The following USH2A variants were observed in gnomAD, a reference collection of about 807,000 sequenced individuals.
The protein encoded by USH2A is usherin.
Under a neutral mutation model 538.9 loss-of-function variants are expected in USH2A, and 443 were observed. The ratio of observed to expected loss-of-function variants is 0.82; its 90% CI spans 0.76 to 0.89. The LOEUF is 0.89. USH2A is among the 40% of genes least tolerant of loss of function. The pLI is 0.00. For missense variants in USH2A, 6,633 were observed against 6,324.8 expected (o/e 1.05, Z -1.65); for synonymous variants, 2,413 against 2,273.5 (o/e 1.06, Z -1.75).
At chr1:215,882,889 T>A (rs946347983) in intron 41 of USH2A, among the ~76,000 whole-genome samples, 1 of 152,170 alleles carries the variant, frequency 6.6e-6, no homozygotes, top group Non-Finnish European at 1.5e-5. Context: ...GTATGCAATA[T>A]GTGCTCTTGT....
At chr1:215,962,039 A>G (rs1417307995) in intron 37 of USH2A, among the ~76,000 whole-genome samples, 1 of 151,974 alleles carries the variant, frequency 6.6e-6, no homozygotes, top group Non-Finnish European at 1.5e-5. Context: ...AAAAAGAAAC[A>G]CAGTTTTTAA....
At chr1:215,788,951 A>AAAACAACAC (rs1558098604) in intron 51 of USH2A, among the ~76,000 whole-genome samples, 1 of 70,686 alleles carries the variant, frequency 1.4e-5, no homozygotes, top group African/African-American at 4.9e-5. Flanking sequence ...CAAAACAAAA[A>AAAACAACAC]AACAGGGGAA....
At chr1:216,287,780 A>C (rs2036915848) in intron 11 of USH2A, among the ~76,000 whole-genome samples, 1 of 152,176 alleles carries the variant, frequency 6.6e-6, no homozygotes, top group African/African-American at 2.4e-5. Flanking sequence ...TATATAACAA[A>C]GCTCTTGACC....
At chr1:216,317,236 T>C (rs936409352) in intron 9 of USH2A, among the ~76,000 whole-genome samples, 14 of 152,100 alleles carry the variant, frequency 9.2e-5, no homozygotes, top group African/African-American at 3.4e-4. Flanking sequence ...ATATAAATCA[T>C]TTGCAGGGAC....
chr1:215,977,614 G>A (rs1264529214), intron 35 of USH2A, among the ~76,000 whole-genome samples: 2 of 152,080 alleles, frequency 1.3e-5, no homozygotes, highest in Non-Finnish European at 2.9e-5. Flanking sequence ...GGCGAATTAA[G>A]CGATTCCCTT....
intron 49 of USH2A, among the ~76,000 whole-genome samples, chr1:215,805,508 T>C (rs1662474550): frequency 6.6e-6 from 1 of 152,084 alleles, no homozygotes; most frequent in South Asian, 2.1e-4. Context: ...AGATGGATGG[T>C]GGTAATGATT....
At chr1:216,048,401 T>G (rs993511887) in intron 31 of USH2A, 133 bp downstream of exon 31, 4 of 880,474 alleles carry the variant, frequency 4.5e-6, no homozygotes, top group Non-Finnish European at 7.5e-6. Context: ...GGAGCAATTA[T>G]GGCCTGGCAA....
chr1:215,924,930 A>G (rs1666199324), intron 38 of USH2A, among the ~76,000 whole-genome samples: 1 of 152,128 alleles, frequency 6.6e-6, no homozygotes, highest in Admixed American at 6.6e-5. Flanking sequence ...TGTTGAGTCC[A>G]TAGTAAGCAC....
chr1:216,097,336 C>T (rs570121181), intron 21 of USH2A, 123 bp from the exon 22 acceptor site: 2 of 1,538,958 alleles, frequency 1.3e-6, no homozygotes, highest in East Asian at 2.3e-5. Context: ...TTATACACAG[C>T]AATATACTCG....
At chr1:216,316,156 G>A (rs1208523702) in intron 9 of USH2A, among the ~76,000 whole-genome samples, 1 of 151,948 alleles carries the variant, frequency 6.6e-6, no homozygotes, top group Non-Finnish European at 1.5e-5. Context: ...AATCAGTGAG[G>A]CTCCCCAAGG....
rs895613521 is a variant in USH2A, at chr1:215,954,662, T to C, written c.7120+10655A>G. 7.2e-5 allele frequency among the ~76,000 whole-genome samples: 11 copies of C among 151,834 alleles called. No individual in the cohort carries two copies. In the East Asian group the frequency reaches 2.1e-3, roughly 29 times the overall value. On this transcript the variant is annotated intron_variant, in intron 37 of 71. Coordinates refer to ENST00000307340, the MANE Select transcript of USH2A (RefSeq NM_206933.4). The stretch of plus-strand genomic sequence containing the variant: ...CACACCAACATGGCACATGTATACA[T>C]ATGTAACTAACCTGCACATTGTGCA...
chr1:216,174,802 T>A, intron 21 of USH2A: 1 of 1,000,460 alleles, frequency 1.0e-6, no homozygotes, highest in African/African-American at 1.7e-5. Context: ...ACATCAAATA[T>A]CTGTTAGGCA....
At chr1:215,903,519 A>G (rs1489626748) in intron 38 of USH2A, among the ~76,000 whole-genome samples, 1 of 152,082 alleles carries the variant, frequency 6.6e-6, no homozygotes, top group Non-Finnish European at 1.5e-5. Context: ...TAAAAGAAAG[A>G]ATTGCCAGAG....
chr1:215,667,792 C>A (rs1438839001), intron 64 of USH2A, among the ~76,000 whole-genome samples: 1 of 152,066 alleles, frequency 6.6e-6, no homozygotes, highest in Non-Finnish European at 1.5e-5. Flanking sequence ...CCTCTTCTAT[C>A]ACTGGCCAAC....
chr1:216,381,249 C>A (rs901969447), intron 3 of USH2A, among the ~76,000 whole-genome samples: 1 of 152,068 alleles, frequency 6.6e-6, no homozygotes, highest in East Asian at 1.9e-4. Flanking sequence ...ATGAAAACCA[C>A]AAAGTACATG....
chr1:216,306,801 T>C (rs1433171666), intron 9 of USH2A, among the ~76,000 whole-genome samples: 1 of 152,150 alleles, frequency 6.6e-6, no homozygotes, highest in African/African-American at 2.4e-5. Context: ...GTTGTTTCTC[T>C]TCTGGATCTA....
At chr1:216,327,701 A>G in intron 4 of USH2A, 47 bp from the exon 5 acceptor site, 3 of 1,601,708 alleles carry the variant, frequency 1.9e-6, no homozygotes, top group Non-Finnish European at 2.6e-6. Flanking sequence ...CTGTTTACCA[A>G]GCAATACCTG....
intron 61 of USH2A, among the ~76,000 whole-genome samples, chr1:215,712,739 A>G (rs1344377516): frequency 6.6e-6 from 1 of 152,166 alleles, no homozygotes; most frequent in Admixed American, 6.6e-5. Flanking sequence ...AAGGGGTATT[A>G]GGGAATGCAG....
intron 32 of USH2A, among the ~76,000 whole-genome samples, chr1:216,029,161 T>A (rs570166069): frequency 4.7e-4 from 72 of 152,186 alleles, no homozygotes; most frequent in African/African-American, 1.7e-3. Flanking sequence ...AGACCTTACA[T>A]AAAAATTAAG....
Sources: allele counts gnomAD v4.1 joint callset (sites outside exome capture counted in the v4.1 genomes callset), GRCh38; gene constraint gnomAD v4.1.1; transcripts MANE v1.5; gene names NCBI Gene and HGNC (gene_info 2026-07-23, HGNC 2026-07-21).